The following CALN1 variants were observed in gnomAD, a reference collection of about 807,000 sequenced individuals.
The protein encoded by CALN1 is calcium-binding protein 8.
In CALN1, 17 loss-of-function variants were observed where a neutral mutation model predicts 30.6. The observed-to-expected ratio is 0.56, with a 90% CI of 0.38 to 0.83. The LOEUF (loss-of-function observed/expected upper bound fraction) is 0.83. CALN1 is among the 40% of genes least tolerant of loss of function. CALN1 has a pLI of 0.00. For synonymous variants in CALN1, 156 were observed against 131.4 expected, an observed-to-expected ratio of 1.19 and a Z score of -1.28; for missense variants, 291 against 354.9, an observed-to-expected ratio of 0.82 and a Z score of 1.45.
intron 5 of CALN1, among the ~76,000 whole-genome samples, chr7:71,824,482 A>C (rs992981769): frequency 1.3e-5 from 2 of 152,104 alleles, no homozygotes; most frequent in African/African-American, 4.8e-5. Flanking sequence ...ATAAGATGAA[A>C]TGCCAGGCTG....
chr7:71,880,477 C>T (rs1194869119), intron 5 of CALN1, among the ~76,000 whole-genome samples: 1 of 152,086 alleles, frequency 6.6e-6, no homozygotes, highest in African/African-American at 2.4e-5. Flanking sequence ...CTTCCCTTCC[C>T]CTCTCTTGCC....
In CALN1 at chr7:72,230,342, TAAAAA is replaced by T. The variant is rs3032182; in HGVS notation, c.244+48339_244+48343del. On this transcript the variant is annotated intron_variant, in intron 3 of 6. Transcript: ENST00000395275. ...GAAACTCTGTCTCTACAATAGATAC[TAAAAA>T]AAAAAAAAAATTAGCTGGGTGTGGT... 4.6e-4 allele frequency among the ~76,000 whole-genome samples: 58 copies of T among 124,852 alleles called. 1 individual carries two copies. In the South Asian group the frequency reaches 0.013, roughly 28 times the overall value. The allele number at this position is 124,852 out of a possible 152,430, so 81.9% of individuals were successfully genotyped here. A position where few individuals can be genotyped will look rare whatever the true frequency, so the allele number is the denominator to read the frequency against.
chr7:72,115,484 CTTTTTTTTTTT>C (rs71069026), intron 3 of CALN1, among the ~76,000 whole-genome samples: 4 of 80,598 alleles, frequency 5.0e-5, no homozygotes, highest in South Asian at 1.1e-3. Context: ...CATATACATT[CTTTTTTTTTTT>C]TTTTTTTTTT....
intron 5 of CALN1, among the ~76,000 whole-genome samples, chr7:71,948,634 G>A (rs1040736143): frequency 6.6e-6 from 1 of 151,706 alleles, no homozygotes; most frequent in African/African-American, 2.4e-5. Flanking sequence ...GGGAGGCTGA[G>A]GCATGAGAAT....
At chr7:72,121,079 T>C (rs868807558) in intron 3 of CALN1, among the ~76,000 whole-genome samples, 148 of 146,894 alleles carry the variant, frequency 1.0e-3, no homozygotes, top group African/African-American at 3.6e-3. Context: ...ATCTATATTA[T>C]AACTTATATA....
At chr7:72,362,477 G>C (rs933488443) in intron 2 of CALN1, among the ~76,000 whole-genome samples, 6 of 152,126 alleles carry the variant, frequency 3.9e-5, no homozygotes, top group Non-Finnish European at 7.3e-5. Context: ...TCTTCTCAAA[G>C]CCTCATCTGG....
At chr7:72,265,384 T>A (rs540900689) in intron 3 of CALN1, among the ~76,000 whole-genome samples, 9 of 152,232 alleles carry the variant, frequency 5.9e-5, no homozygotes, top group African/African-American at 2.2e-4. Context: ...TCTTGAGTAG[T>A]CCCAGGGAAC....
At chr7:72,291,019 G>A (rs1453810412) in intron 2 of CALN1, among the ~76,000 whole-genome samples, 1 of 151,650 alleles carries the variant, frequency 6.6e-6, no homozygotes, top group Non-Finnish European at 1.5e-5. Flanking sequence ...TGCCTCCCGG[G>A]TTCAAGCAAT....
chr7:72,468,888 C>T, the CALN1 span, among the ~76,000 whole-genome samples: 5 of 152,046 alleles, frequency 3.3e-5, no homozygotes, highest in African/African-American at 4.8e-5. Context: ...AATCCTTTGC[C>T]CATTTTTAAA....
At chr7:72,314,431 A>T (rs1016270915) in intron 2 of CALN1, among the ~76,000 whole-genome samples, 1 of 146,726 alleles carries the variant, frequency 6.8e-6, no homozygotes, top group African/African-American at 2.5e-5. Flanking sequence ...ACATACATAG[A>T]TTTTTTTTTT....
chr7:72,461,548 C>T, the CALN1 span, among the ~76,000 whole-genome samples: 2 of 152,134 alleles, frequency 1.3e-5, no homozygotes, highest in South Asian at 2.1e-4. Flanking sequence ...AGCAAATTAA[C>T]GCAGAAACAA....
chr7:72,327,131 GACC>G (rs1473452086), intron 2 of CALN1, among the ~76,000 whole-genome samples: 1 of 152,212 alleles, frequency 6.6e-6, no homozygotes, highest in African/African-American at 2.4e-5. Flanking sequence ...TGTAGGATGA[GACC>G]ACAAGGTCAA....
At chr7:72,399,976 T>TC (rs757166346) in intron 2 of CALN1, among the ~76,000 whole-genome samples, 7 of 152,062 alleles carry the variant, frequency 4.6e-5, no homozygotes, top group Non-Finnish European at 7.4e-5. Context: ...ACATGCCTGC[T>TC]CCCCCTTTGC....
At chr7:71,901,519 A>G (rs2116943928) in intron 5 of CALN1, among the ~76,000 whole-genome samples, 1 of 152,314 alleles carries the variant, frequency 6.6e-6, no homozygotes, top group African/African-American at 2.4e-5. Flanking sequence ...ACTTCAAATT[A>G]TACTACAAGG....
intron 3 of CALN1, among the ~76,000 whole-genome samples, chr7:72,141,671 C>T (rs558322514): frequency 1.3e-4 from 20 of 152,142 alleles, no homozygotes; most frequent in Middle Eastern, 3.4e-3. Context: ...TGGGTTCAAG[C>T]GATTCTCCTG....
intron 3 of CALN1, among the ~76,000 whole-genome samples, chr7:72,144,302 C>CA (rs1034377002): frequency 1.3e-5 from 2 of 151,526 alleles, no homozygotes; most frequent in African/African-American, 4.8e-5. Flanking sequence ...AAATGGAAAA[C>CA]AAAAAAAGGC....
intron 2 of CALN1, among the ~76,000 whole-genome samples, chr7:72,393,801 GCA>G (rs1352171453): frequency 1.4e-5 from 2 of 145,104 alleles, no homozygotes; most frequent in African/African-American, 2.6e-5. Flanking sequence ...CCAGGCTGCT[GCA>G]CAGTGGCACA....
At chr7:72,072,068 G>A (rs1804434511) in intron 4 of CALN1, among the ~76,000 whole-genome samples, 1 of 152,082 alleles carries the variant, frequency 6.6e-6, no homozygotes, top group African/African-American at 2.4e-5. Context: ...TATACATTAT[G>A]GAAACCTGAG....
In CALN1 at chr7:72,103,825, CAGAA is replaced by C. The variant is rs374234734; in HGVS notation, c.388+2322_388+2325del. 3.3e-3 allele frequency among the ~76,000 whole-genome samples: 506 copies of C among 152,108 alleles called. 1 individual carries two copies. The highest frequency in any genetic ancestry group is 6.8e-3 in the Middle Eastern group (2 of 294). ...GATCTGGACAATGGGAACGTCCAGA[CAGAA>C]GGAAGTGACAATGGGAATGACACAG... is the stretch of plus-strand genomic sequence containing the variant. On this transcript the variant is annotated intron_variant, in intron 4 of 6. Transcript: ENST00000395275.
Sources: allele counts gnomAD v4.1 joint callset (sites outside exome capture counted in the v4.1 genomes callset), GRCh38; gene constraint gnomAD v4.1.1; transcripts MANE v1.5; gene names NCBI Gene and HGNC (gene_info 2026-07-23, HGNC 2026-07-21).